Variants in TFDP2 observed in about 807,000 individuals in gnomAD.
The protein encoded by TFDP2 is transcription factor Dp-2.
A neutral mutation model predicts 59.3 loss-of-function variants in TFDP2; 17 were observed. That is an observed-to-expected ratio of 0.29 (90% CI 0.20 to 0.43). The LOEUF is 0.43. TFDP2 is among the 20% of genes least tolerant of loss of function. The pLI is 1.00. For missense variants in TFDP2, 391 were observed against 528.8 expected (o/e 0.74, Z 2.56); for synonymous variants, 180 against 194.7 (o/e 0.92, Z 0.63).
chr3:142,135,025 C>T (rs2062669447), intron 1 of TFDP2, among the ~76,000 whole-genome samples: 1 of 152,132 alleles, frequency 6.6e-6, no homozygotes, highest in African/African-American at 2.4e-5. Context: ...GAAGTACAAT[C>T]GTTTTTCCAG....
chr3:142,133,099 A>T (rs1053426517), intron 1 of TFDP2, among the ~76,000 whole-genome samples: 1 of 150,388 alleles, frequency 6.6e-6, no homozygotes, highest in African/African-American at 2.5e-5. Context: ...AAAACCTACT[A>T]TAAAGCTTCT....
intron 1 of TFDP2, among the ~76,000 whole-genome samples, chr3:142,102,380 A>G (rs534256306): frequency 3.3e-5 from 5 of 152,222 alleles, no homozygotes; most frequent in South Asian, 4.1e-4. Flanking sequence ...CAAAGTACAT[A>G]ATGATAGTAA....
Position 141,952,280 on chromosome 3 carries a change from C to T in TFDP2, c.*233G>A, listed in dbSNP as rs1485495358. On this transcript the variant is annotated 3_prime_UTR_variant, in exon 13 of 13. Coordinates refer to ENST00000489671, the MANE Select transcript of TFDP2 (RefSeq NM_001178139.2). ...CCCCACTATCTCCTCAGAAAGCATG[C>T]TTTCTTTGTTATATCATCTACTGCT... 2.5e-6 allele frequency: 1 copy of T among 397,432 alleles called. No individual in the cohort carries two copies. Among genetic ancestry groups the T allele is most frequent in the African/African-American group, 2.1e-5 (1 of 47,558 alleles). The allele number at this position is 397,432 out of a possible 1,614,324, so 24.6% of individuals were successfully genotyped here.
intron 10 of TFDP2, among the ~76,000 whole-genome samples, chr3:141,962,798 G>C (rs1937522131): frequency 6.6e-6 from 1 of 152,208 alleles, no homozygotes; most frequent in Non-Finnish European, 1.5e-5. Flanking sequence ...GCAATGTCAG[G>C]GCCCTAGGAG....
intron 3 of TFDP2, among the ~76,000 whole-genome samples, chr3:142,088,557 T>G (rs943308897): frequency 1.3e-5 from 2 of 151,732 alleles, no homozygotes; most frequent in African/African-American, 4.8e-5. Flanking sequence ...GGGCTCGAAC[T>G]TCCCAAAGTG....
intron 3 of TFDP2, among the ~76,000 whole-genome samples, chr3:142,040,579 T>G (rs926063608): frequency 2.6e-5 from 4 of 152,140 alleles, no homozygotes; most frequent in Non-Finnish European, 4.4e-5. Context: ...AGGCAGGCAT[T>G]GCCACCATGC....
chr3:142,072,925 C>G (rs2060296085), intron 3 of TFDP2, among the ~76,000 whole-genome samples: 1 of 152,188 alleles, frequency 6.6e-6, no homozygotes, highest in Non-Finnish European at 1.5e-5. Flanking sequence ...CCCTGCTCCT[C>G]AAGTGTGCAA....
At chr3:141,970,183 C>G (rs11569251) in intron 8 of TFDP2, 42 bp from the exon 9 acceptor site, 154,049 of 1,576,652 alleles carry the variant, frequency 0.098, 8,190 homozygotes, top group Non-Finnish European at 0.11. Context: ...CATAGGTAGA[C>G]TATAAAATAT....
rs564105041 is a variant in TFDP2, at chr3:142,118,067, C to T, written c.-92-16226G>A. On this transcript the variant is annotated intron_variant, in intron 1 of 12. Transcript: ENST00000489671. The stretch of plus-strand genomic sequence containing the variant: ...GAGGTGAGATCGCACCACTGCACTC[C>T]AGCCTGGGTGACAGAGTGAGACCTT... Among the ~76,000 whole-genome samples, 99 of 152,224 alleles carry T rather than the reference C, an allele frequency of 6.5e-4. 3 individuals are homozygous for T. The highest frequency in any genetic ancestry group is 6.8e-3 in the Middle Eastern group (2 of 294).
intron 3 of TFDP2, among the ~76,000 whole-genome samples, chr3:142,061,866 A>C: frequency 7.6e-6 from 1 of 130,952 alleles, no homozygotes; most frequent in South Asian, 2.6e-4. Context: ...CCTATAATCA[A>C]TCAATTTCTC....
At chr3:142,117,590 TA>T (rs2061889983) in intron 1 of TFDP2, among the ~76,000 whole-genome samples, 1 of 151,940 alleles carries the variant, frequency 6.6e-6, no homozygotes, top group Non-Finnish European at 1.5e-5. Flanking sequence ...GAAAGAGAGT[TA>T]AACAATAAAT....
chr3:142,102,788 C>T (rs1001103970), intron 1 of TFDP2, among the ~76,000 whole-genome samples: 9 of 152,164 alleles, frequency 5.9e-5, no homozygotes, highest in Non-Finnish European at 8.8e-5. Context: ...TTCTGAGGTA[C>T]GTTTGCCCAA....
At chr3:141,971,014 T>A (rs1001439392) in intron 8 of TFDP2, among the ~76,000 whole-genome samples, 2 of 150,428 alleles carry the variant, frequency 1.3e-5, no homozygotes, top group Non-Finnish European at 2.9e-5. Context: ...GCCAAGATCA[T>A]GCCACTGCAC....
chr3:142,129,632 A>G (rs1456206208), intron 1 of TFDP2, among the ~76,000 whole-genome samples: 2 of 152,150 alleles, frequency 1.3e-5, no homozygotes, highest in African/African-American at 4.8e-5. Flanking sequence ...CCAAACAACC[A>G]GATTAAAAAC....
At chr3:142,075,047 C>G (rs1254808146) in intron 3 of TFDP2, among the ~76,000 whole-genome samples, 1 of 151,904 alleles carries the variant, frequency 6.6e-6, no homozygotes, top group Non-Finnish European at 1.5e-5. Flanking sequence ...TCACGTTACA[C>G]CATTAAAAAA....
At position 142,022,498 on chromosome 3, in the gene TFDP2, A is replaced by C. The variant is rs113494903; in HGVS notation, c.83-16954T>G. ...CACTGTTAGCACCATCACAACAGTC[A>C]ATACACCCACCAGATGGCACACAGA... On this transcript the variant is annotated intron_variant, in intron 3 of 12. Coordinates refer to ENST00000489671, the MANE Select transcript of TFDP2 (RefSeq NM_001178139.2). Among the ~76,000 whole-genome samples the C allele has an allele frequency of 2.5e-3, 381 of 152,320 alleles. 1 individual carries two copies. The highest frequency in any genetic ancestry group is 8.2e-3 in the African/African-American group (342 of 41,570).
At chr3:142,126,181 CT>C (rs747958824) in intron 1 of TFDP2, 4,558 of 136,746 alleles carry the variant, frequency 0.033, 171 homozygotes, top group African/African-American at 0.11. Flanking sequence ...TTTTTCTTTT[CT>C]TTTTTTTTTT....
At chr3:142,015,228 A>G (rs1369476584) in intron 3 of TFDP2, among the ~76,000 whole-genome samples, 1 of 152,192 alleles carries the variant, frequency 6.6e-6, no homozygotes, top group East Asian at 1.9e-4. Flanking sequence ...TCATGAGATG[A>G]TCCCATCTAA....
chr3:142,034,165 G>A (rs964526898), intron 3 of TFDP2, among the ~76,000 whole-genome samples: 5 of 148,174 alleles, frequency 3.4e-5, no homozygotes, highest in African/African-American at 7.5e-5. Flanking sequence ...GCGTGATCTC[G>A]GCTCACCTCA....
Sources: gnomAD v4.1 joint callset for allele counts (sites outside exome capture counted in the v4.1 genomes callset) on GRCh38, gnomAD v4.1.1 for gene constraint, MANE v1.5 for transcripts, NCBI Gene and HGNC (gene_info 2026-07-23, HGNC 2026-07-21) for gene names.